RAD50: variants seen among roughly 807,000 people sequenced by gnomAD.
RAD50 encodes the protein RAD50 double strand break repair protein.
In RAD50, 132 loss-of-function variants were observed where a neutral mutation model predicts 168.8. The observed-to-expected ratio is 0.78, with a 90% CI of 0.68 to 0.90. The LOEUF is 0.90. Ranked by LOEUF, RAD50 falls within the 40% of genes least tolerant of loss-of-function variation. The probability of loss-of-function intolerance (pLI) is 0.00; values close to 1 mark genes in which losing one functional copy is unlikely to be tolerated. For missense variants in RAD50, 1,347 were observed against 1,534.4 expected, an observed-to-expected ratio of 0.88 and a Z score of 2.04; for synonymous variants, 525 against 497.4, an observed-to-expected ratio of 1.06 and a Z score of -0.74.
rs1353805646 is a variant in RAD50, at chr5:132,646,086, A to AATT, written c.*3723_*3724insTTA. On this transcript the variant is annotated 3_prime_UTR_variant, in exon 25 of 25. Coordinates refer to ENST00000378823, the MANE Select transcript of RAD50 (RefSeq NM_005732.4). Reference sequence around the variant, plus strand: ...GGGTGGCAGAGTGAGACCCTGTCTAAAAAGACAAAAAAAAAAAAAAAAAAA... The same window carrying AATT: ...GGGTGGCAGAGTGAGACCCTGTCTAAATTAAAGACAAAAAAAAAAAAAAAAAAA... 4.3e-5 allele frequency: 6 copies of AATT among 139,318 alleles called. No individual in the cohort carries two copies. The highest frequency in any genetic ancestry group is 1.8e-4 in the African/African-American group (6 of 33,522). The allele number at this position is 139,318 out of a possible 1,614,324, so 8.6% of individuals were successfully genotyped here.
chr5:132,608,234 A>C (rs1751018500), intron 16 of RAD50, among the ~76,000 whole-genome samples: 1 of 152,224 alleles, frequency 6.6e-6, no homozygotes, highest in Non-Finnish European at 1.5e-5. Context: ...CTATAAAATC[A>C]TGAAAACTCA....
intron 21 of RAD50, among the ~76,000 whole-genome samples, chr5:132,630,245 T>C (rs568814330): frequency 8.5e-5 from 13 of 152,260 alleles, no homozygotes; most frequent in African/African-American, 2.9e-4. Flanking sequence ...GGTTTCACCA[T>C]GTTGGCCAGG....
rs923661545 is a variant in RAD50 at position 132,557,101 on chromosome 5, C to A, written c.-224C>A. Reference sequence around the variant, plus strand: ...TGGTCCCCGCCTCCGCTCTCCCCACCGGCGGGGAAAGCAGCTGGTGTGGGA... The same window carrying A: ...TGGTCCCCGCCTCCGCTCTCCCCACAGGCGGGGAAAGCAGCTGGTGTGGGA... On this transcript the variant is annotated 5_prime_UTR_variant, in exon 1 of 25. Coordinates refer to ENST00000378823, the MANE Select transcript of RAD50 (RefSeq NM_005732.4). 3 of 696,966 alleles carry A rather than the reference C, an allele frequency of 4.3e-6. No individual in the cohort carries two copies. The South Asian group carries it at 5.6e-5, about 13-fold the overall frequency. The allele number at this position is 696,966 out of a possible 1,614,324, so 43.2% of individuals were successfully genotyped here.
At chr5:132,561,668 T>C (rs1445787955) in intron 2 of RAD50, among the ~76,000 whole-genome samples, 9 of 152,184 alleles carry the variant, frequency 5.9e-5, no homozygotes, top group African/African-American at 4.8e-5. Context: ...TCTAGACATA[T>C]ATGTCTAGCT....
intron 11 of RAD50, 25 bp downstream of exon 11, chr5:132,592,059 A>G (rs1750712234): frequency 2.5e-6 from 4 of 1,588,198 alleles, no homozygotes; most frequent in Admixed American, 1.7e-5. Context: ...TTGGAGATGT[A>G]ATAGAAATCT....
At chr5:132,637,340 C>T (rs1751604929) in intron 22 of RAD50, 140 bp downstream of exon 22, 1 of 1,449,388 alleles carries the variant, frequency 6.9e-7, no homozygotes, top group Middle Eastern at 2.0e-4. Context: ...GAATTCTTAT[C>T]TTGGCAACAT....
chr5:132,561,805 T>C (rs1413752929), intron 2 of RAD50, among the ~76,000 whole-genome samples: 1 of 150,596 alleles, frequency 6.6e-6, no homozygotes, highest in East Asian at 1.9e-4. Flanking sequence ...CCCCCGCCAG[T>C]TTTGTAAATG....
chr5:132,560,336 CT>C (rs1262488218), intron 2 of RAD50, among the ~76,000 whole-genome samples: 2 of 151,996 alleles, frequency 1.3e-5, no homozygotes, highest in Admixed American at 6.5e-5. Flanking sequence ...AAATGACCCC[CT>C]GTTGATTATT....
At chr5:132,640,834 G>A (rs2149865957) in intron 24 of RAD50, 29 bp downstream of exon 24, 1 of 1,613,868 alleles carries the variant, frequency 6.2e-7, no homozygotes, top group Non-Finnish European at 8.5e-7. Flanking sequence ...TGCTCTGGTT[G>A]AGTAAGTATC....
chr5:132,610,074 T>A (rs1394421856), intron 19 of RAD50, among the ~76,000 whole-genome samples: 1 of 151,700 alleles, frequency 6.6e-6, no homozygotes, highest in Non-Finnish European at 1.5e-5. Context: ...GATGGGGTCG[T>A]ATCATGTTAT....
intron 19 of RAD50, among the ~76,000 whole-genome samples, chr5:132,613,343 A>G (rs1751118254): frequency 6.6e-6 from 1 of 152,190 alleles, no homozygotes; most frequent in Non-Finnish European, 1.5e-5. Flanking sequence ...GGTCACAAAA[A>G]GTAGTAACAG....
rs1060501940 is a variant in RAD50, at chr5:132,559,366, A to C, written c.212A>C (p.Lys71Thr). ...TKGNTFVHDP[K>T]VAQETDVRAQ... ...GGAAATACATTTGTACACGATCCCAAGGTAATGGTGCTAGTACAATTTTGT... is the reference window on the plus strand; with the variant it reads ...GGAAATACATTTGTACACGATCCCACGGTAATGGTGCTAGTACAATTTTGT... Residue 71 changes from lysine to threonine, a missense_variant and splice_region_variant, in exon 2 of 25, where the codon AAG becomes ACG. Physicochemically the swap from Lys to Thr is moderately conservative, Grantham distance 78 (BLOSUM62 -1). Coordinates refer to ENST00000378823, the MANE Select transcript of RAD50 (RefSeq NM_005732.4). 2.5e-6 allele frequency: 4 copies of C among 1,607,788 alleles called. No individual in the cohort carries two copies. In the South Asian group the frequency reaches 4.5e-5, roughly 18 times the overall value.
chr5:132,591,148 C>A, intron 9 of RAD50, 76 bp from the exon 10 acceptor site: 1 of 1,430,186 alleles, frequency 7.0e-7, no homozygotes, highest in South Asian at 1.2e-5. Flanking sequence ...TAGTTAATTT[C>A]TAATACACTT....
At chr5:132,597,290 C>T (rs374136933) in intron 13 of RAD50, among the ~76,000 whole-genome samples, 3 of 152,120 alleles carry the variant, frequency 2.0e-5, no homozygotes, top group Middle Eastern at 3.2e-3. Flanking sequence ...CTAGTAATCT[C>T]GGCCTCTTGG....
At position 132,559,373 on chromosome 5, in the gene RAD50, G is replaced by A. The variant is rs373480018; in HGVS notation, c.213+6G>A. 6.2e-7 allele frequency: 1 copy of A among 1,605,702 alleles called. No individual in the cohort carries two copies. The highest frequency in any genetic ancestry group is 1.1e-5 in the South Asian group (1 of 89,072). ...CATTTGTACACGATCCCAAGGTAATGGTGCTAGTACAATTTTGTATTTTTA... is the reference window on the plus strand; with the variant it reads ...CATTTGTACACGATCCCAAGGTAATAGTGCTAGTACAATTTTGTATTTTTA... On this transcript the variant is annotated splice_donor_region_variant and intron_variant, in intron 2 of 24. Transcript: ENST00000378823.
intron 21 of RAD50, 47 bp from the exon 22 acceptor site, chr5:132,637,068 A>G: frequency 1.4e-6 from 2 of 1,456,136 alleles, no homozygotes; most frequent in Non-Finnish European, 1.8e-6. Context: ...ACTATTACAC[A>G]TAATTATTTT....
At position 132,639,878 on chromosome 5, in the gene RAD50, A is replaced by T. The variant is rs2072095; in HGVS notation, c.3619-794A>T. Among the ~76,000 whole-genome samples, 1,504 of 152,296 alleles carry T rather than the reference A, an allele frequency of 9.9e-3. 142 individuals are homozygous for T. In the East Asian group the frequency reaches 0.23, roughly 23 times the overall value. Reference sequence around the variant, plus strand: ...GGCTTGCCTAGGCATTAAAGAAAAGACATAAACTATTCTAAAATTACCAAC... The same window carrying T: ...GGCTTGCCTAGGCATTAAAGAAAAGTCATAAACTATTCTAAAATTACCAAC... On this transcript the variant is annotated intron_variant, in intron 23 of 24. Coordinates refer to ENST00000378823, the MANE Select transcript of RAD50 (RefSeq NM_005732.4).
chr5:132,565,232 A>G (rs1363194838), intron 2 of RAD50, among the ~76,000 whole-genome samples: 1 of 152,016 alleles, frequency 6.6e-6, no homozygotes, highest in African/African-American at 2.4e-5. Flanking sequence ...TGCTTCCTGT[A>G]TAGCATGTGG....
Position 132,603,331 on chromosome 5 carries a change from A to G in RAD50, c.2239A>G (p.Ile747Val). 1 of 1,613,452 alleles carries G rather than the reference A, an allele frequency of 6.2e-7. No individual in the cohort carries two copies. The highest frequency in any genetic ancestry group is 8.5e-7 in the Non-Finnish European group (1 of 1,179,590). The change falls in exon 14 of 25, where the codon ATA becomes GTA. Residue 747 changes from isoleucine (I) to valine (V), a missense_variant. By Grantham distance (29) the Ile-to-Val change is conservative. This residue lies in a region of RAD50 where 635 missense variants were observed against 739.2 expected (regional missense o/e 0.86). Transcript: ENST00000378823. ...CATAATTGATTTGAAGGAGAAGGAA[A>G]TACCAGAATTAAGAAACAAACTGCA... ...QSIIDLKEKEIPELRNKLQNV... is the reference protein window; with the variant it reads ...QSIIDLKEKEVPELRNKLQNV...
Sources: allele counts gnomAD v4.1 joint callset (sites outside exome capture counted in the v4.1 genomes callset), GRCh38; gene constraint gnomAD v4.1.1; regional missense constraint gnomAD v4.1.1; transcripts MANE v1.5; gene names NCBI Gene and HGNC (gene_info 2026-07-23, HGNC 2026-07-21).